Variants in CSMD1 observed in about 807,000 individuals in gnomAD.
The protein encoded by CSMD1 is CUB and Sushi multiple domains 1, also known as CUB and sushi domain-containing protein 1.
CSMD1 carries 213 observed loss-of-function variants against 417.5 expected under a neutral mutation model. That is an observed-to-expected ratio of 0.51 (90% confidence interval 0.46 to 0.57). The LOEUF is 0.57. CSMD1 is among the 20% of genes least tolerant of loss of function. The pLI is 0.00. For synonymous variants in CSMD1, 2,862 were observed against 1,736.8 expected (o/e 1.65, Z -16.11); for missense variants, 6,923 against 4,529.7 (o/e 1.53, Z -15.17).
At chr8:3,594,197 C>G (rs1405032968) in intron 8 of CSMD1, among the ~76,000 whole-genome samples, 1 of 152,118 alleles carries the variant, frequency 6.6e-6, no homozygotes, top group Non-Finnish European at 1.5e-5. Context: ...ACGGCCGTCC[C>G]CAAATGCACC....
intron 5 of CSMD1, among the ~76,000 whole-genome samples, chr8:3,956,412 A>C (rs1439525471): frequency 6.6e-6 from 1 of 152,182 alleles, no homozygotes; most frequent in Non-Finnish European, 1.5e-5. Flanking sequence ...GTCTAACTGG[A>C]GGCATGTATG....
chr8:3,133,592 A>G (rs555516552), intron 41 of CSMD1, among the ~76,000 whole-genome samples: 21 of 152,100 alleles, frequency 1.4e-4, no homozygotes, highest in East Asian at 1.9e-4. Context: ...GGAGAAACCT[A>G]TGGCTGGGCT....
chr8:4,206,738 A>T (rs933472239), intron 3 of CSMD1, among the ~76,000 whole-genome samples: 2 of 152,166 alleles, frequency 1.3e-5, no homozygotes, highest in African/African-American at 4.8e-5. Flanking sequence ...TTTCTAGAGG[A>T]TTTCAGAATA....
chr8:4,133,624 G>A (rs1208221156), intron 3 of CSMD1, among the ~76,000 whole-genome samples: 5 of 152,074 alleles, frequency 3.3e-5, no homozygotes, highest in Non-Finnish European at 7.4e-5. Flanking sequence ...CATTGTACTA[G>A]CAATGCGAAG....
At chr8:3,621,860 C>T (rs1796258692) in intron 7 of CSMD1, among the ~76,000 whole-genome samples, 2 of 151,984 alleles carry the variant, frequency 1.3e-5, no homozygotes, top group African/African-American at 4.8e-5. Flanking sequence ...TCTCCCACCT[C>T]GACGTCCCAA....
At chr8:3,122,027 G>C (rs1335393323) in intron 41 of CSMD1, among the ~76,000 whole-genome samples, 2 of 151,770 alleles carry the variant, frequency 1.3e-5, no homozygotes, top group Non-Finnish European at 2.9e-5. Context: ...ACTTTCAATG[G>C]CAAAAACCTC....
chr8:3,239,593 A>G (rs1028689317), intron 26 of CSMD1, among the ~76,000 whole-genome samples: 13 of 152,064 alleles, frequency 8.5e-5, no homozygotes, highest in Non-Finnish European at 1.3e-4. Context: ...AATCTCTGAG[A>G]AGTAGTAGAA....
At chr8:4,180,778 C>G (rs912814238) in intron 3 of CSMD1, among the ~76,000 whole-genome samples, 2 of 152,094 alleles carry the variant, frequency 1.3e-5, no homozygotes, top group Admixed American at 1.3e-4. Flanking sequence ...TTGTGTTAAT[C>G]TAATATCTGT....
At chr8:4,556,512 G>C (rs750069569) in intron 2 of CSMD1, among the ~76,000 whole-genome samples, 2 of 151,908 alleles carry the variant, frequency 1.3e-5, no homozygotes, top group Non-Finnish European at 2.9e-5. Flanking sequence ...CCGAATAATC[G>C]AATTATCTCT....
intron 3 of CSMD1, among the ~76,000 whole-genome samples, chr8:4,033,423 C>A (rs1797459075): frequency 6.6e-6 from 1 of 152,168 alleles, no homozygotes; most frequent in Non-Finnish European, 1.5e-5. Context: ...GCGTGGGTGA[C>A]AGAGCGAGAC....
chr8:3,518,153 G>C (rs1487183159), intron 10 of CSMD1, among the ~76,000 whole-genome samples: 2 of 151,916 alleles, frequency 1.3e-5, no homozygotes. Flanking sequence ...AAAAAGAATG[G>C]AAATATACCA....
At chr8:3,830,901 T>C (rs932273498) in intron 5 of CSMD1, among the ~76,000 whole-genome samples, 1 of 152,180 alleles carries the variant, frequency 6.6e-6, no homozygotes, top group African/African-American at 2.4e-5. Context: ...TAATAAAATC[T>C]ATATTTCCTT....
chr8:3,026,604 C>A (rs1362015925), intron 51 of CSMD1, among the ~76,000 whole-genome samples: 2 of 152,118 alleles, frequency 1.3e-5, no homozygotes, highest in East Asian at 3.9e-4. Flanking sequence ...CCTCACTGGA[C>A]CTCACTGGAC....
At chr8:3,460,826 G>C (rs180980641) in intron 12 of CSMD1, among the ~76,000 whole-genome samples, 62 of 152,302 alleles carry the variant, frequency 4.1e-4, no homozygotes, top group African/African-American at 1.5e-3. Context: ...GGTAAGAACA[G>C]ACAATGCTGT....
At chr8:3,382,904 A>T (rs868574920) in intron 18 of CSMD1, among the ~76,000 whole-genome samples, 1 of 152,150 alleles carries the variant, frequency 6.6e-6, no homozygotes. Context: ...AAGATTTAAA[A>T]ACTAAGATTT....
Position 4,328,237 on chromosome 8 carries a change from ATACAATTTT to A in CSMD1, c.415+91707_415+91715del, listed in dbSNP as rs931876325. ...TACACACCCAATTACATTGCACTCA[ATACAATTTT>A]TTTTTTTTTTTTTTTTTTTGAGAGG... On this transcript the variant is annotated intron_variant, in intron 3 of 69. Transcript: ENST00000635120. Among the ~76,000 whole-genome samples, 26 of 138,114 alleles carry A rather than the reference ATACAATTTT, an allele frequency of 1.9e-4. No homozygotes were observed. In the South Asian group the frequency reaches 5.1e-3, roughly 27 times the overall value. 90.6% of individuals were successfully genotyped at this position (138,114 alleles called of 152,430 possible). A position where few individuals can be genotyped will look rare whatever the true frequency, so the allele number is the denominator to read the frequency against.
At chr8:3,610,446 G>A (rs1316214101) in intron 8 of CSMD1, among the ~76,000 whole-genome samples, 1 of 115,258 alleles carries the variant, frequency 8.7e-6, no homozygotes, top group Non-Finnish European at 2.0e-5. Context: ...GAAGTGGGAC[G>A]ATCATTTGAG....
intron 3 of CSMD1, among the ~76,000 whole-genome samples, chr8:4,038,896 C>G (rs745433843): frequency 6.6e-6 from 1 of 152,106 alleles, no homozygotes; most frequent in South Asian, 2.1e-4. Flanking sequence ...AATATGCACA[C>G]GAAAATTCCC....
intron 3 of CSMD1, among the ~76,000 whole-genome samples, chr8:4,093,356 AAGTT>A (rs1399052785): frequency 6.6e-6 from 1 of 152,212 alleles, no homozygotes; most frequent in East Asian, 1.9e-4. Flanking sequence ...AGAATAATGA[AAGTT>A]AAATTTTATA....
Sources: allele counts gnomAD v4.1 joint callset (sites outside exome capture counted in the v4.1 genomes callset), GRCh38; gene constraint gnomAD v4.1.1; transcripts MANE v1.5; gene names NCBI Gene and HGNC (gene_info 2026-07-23, HGNC 2026-07-21).